Variants in RAPGEF3 observed in about 807,000 individuals in gnomAD.
RAPGEF3 encodes Rap guanine nucleotide exchange factor 3.
Under a neutral mutation model 129.8 loss-of-function variants are expected in RAPGEF3, and 103 were observed. The observed-to-expected ratio is 0.79, with a 90% CI of 0.68 to 0.93. The LOEUF (loss-of-function observed/expected upper bound fraction) is 0.93, where lower values mean the gene tolerates loss of function less well. RAPGEF3 is among the 40% of genes least tolerant of loss of function. The pLI is 0.00. For missense variants in RAPGEF3, 1,117 were observed against 1,207.4 expected (o/e 0.93, Z 1.11); for synonymous variants, 436 against 482.6 (o/e 0.90, Z 1.26).
chr12:47,756,069 C>A (rs1459504212), intron 2 of RAPGEF3: 2 of 152,248 alleles, frequency 1.3e-5, no homozygotes, highest in Non-Finnish European at 2.9e-5. Context: ...GTCACCAACG[C>A]CCACCTGGCA....
chr12:47,739,486 T>C (rs1941008463), intron 23 of RAPGEF3: 2 of 677,336 alleles, frequency 3.0e-6, no homozygotes, highest in African/African-American at 3.5e-5. Context: ...CACTGTCACC[T>C]CTCTGTCCCT....
intron 15 of RAPGEF3, among the ~76,000 whole-genome samples, chr12:47,747,316 G>T (rs1320805814): frequency 6.6e-6 from 1 of 152,174 alleles, no homozygotes; most frequent in Non-Finnish European, 1.5e-5. Flanking sequence ...GAGAACAGCA[G>T]GTGCACTCAG....
chr12:47,746,213 G>A (rs765430116), intron 16 of RAPGEF3: 9 of 188,310 alleles, frequency 4.8e-5, no homozygotes, highest in Middle Eastern at 2.2e-3. Context: ...CTTCGCCTGC[G>A]GAGGAGAAGA....
chr12:47,757,978 G>A lies in RAPGEF3; in HGVS notation c.107C>T (p.Pro36Leu), dbSNP rs777678433. ...CACCATGTTGAGTAGTGTCCCCTCC[G>A]GCACCACGTCAGGGAGGGCTCCCAC... is the stretch of plus-strand genomic sequence containing the variant. The part of the protein sequence containing the change: ...PRVGALPDVV[P>L]EGTLLNMVLR... The change falls in exon 2 of 28, where the codon CCG (proline) becomes CTG (leucine). Residue 36 changes from proline (P) to leucine (L), a missense_variant. Physicochemically the swap from Pro to Leu is moderately conservative, Grantham distance 98. Coordinates refer to ENST00000449771, the MANE Select transcript of RAPGEF3 (RefSeq NM_001098531.4). 21 of 1,566,728 alleles carry A rather than the reference G, an allele frequency of 1.3e-5. No individual in the cohort carries two copies. Among genetic ancestry groups the A allele is most frequent in the East Asian group, 4.7e-5 (2 of 42,380 alleles).
intron 25 of RAPGEF3, 129 bp from the exon 26 acceptor site, chr12:47,738,376 A>T (rs10875685): frequency 0.29 from 365,218 of 1,274,850 alleles, 54,479 homozygotes; most frequent in Middle Eastern, 0.32. Flanking sequence ...GTTATGTGGC[A>T]TCATGTGTAC....
At position 47,747,867 on chromosome 12, in the gene RAPGEF3, G is replaced by A. The variant is rs1221454713; in HGVS notation, c.1323-5C>T. The A allele has an allele frequency of 1.9e-6, 3 of 1,602,026 alleles. No homozygotes were observed. The highest frequency in any genetic ancestry group is 1.3e-5 in the African/African-American group (1 of 75,028). On this transcript the variant is annotated splice_polypyrimidine_tract_variant and splice_region_variant and intron_variant, in intron 13 of 27. Transcript: ENST00000449771. ...CCCGCAGGCTCCACATGGAAGGTGGGCACCAGTCAAGGGAACCACAACATC... is the reference window on the plus strand; with the variant it reads ...CCCGCAGGCTCCACATGGAAGGTGGACACCAGTCAAGGGAACCACAACATC...
At position 47,735,420 on chromosome 12, in the gene RAPGEF3, TC is replaced by T; in HGVS notation, c.*2146del. 1 of 152,388 alleles carries T rather than the reference TC, an allele frequency of 6.6e-6. No homozygotes were observed. Among genetic ancestry groups the T allele is most frequent in the Non-Finnish European group, 1.5e-5 (1 of 68,112 alleles). 9.4% of individuals were successfully genotyped at this position (152,388 alleles called of 1,614,324 possible). On this transcript the variant is annotated 3_prime_UTR_variant, in exon 28 of 28. Transcript: ENST00000449771. Reference sequence around the variant, plus strand: ...TGGGGCCACCGTAACATGGAGCCTTTCCCCGCTTTTGGGCCTCCTGTCCTCT... The same window carrying T: ...TGGGGCCACCGTAACATGGAGCCTTTCCCGCTTTTGGGCCTCCTGTCCTCT...
rs755629694 is a variant in RAPGEF3 at position 47,757,931 on chromosome 12, G to A, written c.154C>T (p.Arg52Ter). 32 of 1,556,814 alleles carry A rather than the reference G, an allele frequency of 2.1e-5. No individual in the cohort carries two copies. In the Admixed American group the frequency reaches 2.7e-4, roughly 13 times the overall value. Reference protein sequence around the residue: ...NMVLRRMHRPRSCSYQLLLEH... With the variant: ...NMVLRRMHRP Reference sequence around the variant, plus strand: ...AGCAGCAGCTGGTAGGAGCAGCTTCGGGGCCGGTGCATCCTTCTCAACACC... The same window carrying A: ...AGCAGCAGCTGGTAGGAGCAGCTTCAGGGCCGGTGCATCCTTCTCAACACC... The change falls in exon 2 of 28, where the codon CGA (arginine) becomes TGA (stop). Residue 52 changes from arginine (R) to a stop codon, truncating the protein, a stop_gained. Coordinates refer to ENST00000449771, the MANE Select transcript of RAPGEF3 (RefSeq NM_001098531.4). LOFTEE classifies it high-confidence loss of function.
chr12:47,746,410 TCTC>T, intron 16 of RAPGEF3: 1 of 514,022 alleles, frequency 1.9e-6, no homozygotes, highest in Non-Finnish European at 3.4e-6. Context: ...AGTCACATCT[TCTC>T]ATCCCCTCTT....
chr12:47,738,311 C>T, intron 25 of RAPGEF3, 64 bp from the exon 26 acceptor site: 3 of 1,592,644 alleles, frequency 1.9e-6, no homozygotes, highest in Non-Finnish European at 2.6e-6. Context: ...CCCTGTGCAG[C>T]AGCAGGGAGG....
At chr12:47,738,808 C>T in intron 24 of RAPGEF3, 54 bp from the exon 25 acceptor site, 1 of 1,495,424 alleles carries the variant, frequency 6.7e-7, no homozygotes, top group Non-Finnish European at 9.3e-7. Flanking sequence ...CCTCCTGTAG[C>T]CCAGAAAAGG....
At position 47,741,427 on chromosome 12, in the gene RAPGEF3, G is replaced by A. The variant is rs1592541079; in HGVS notation, c.1923+78C>T. ...GGCCCCTCCTCCCTCTTCTCCCTGG[G>A]ACCCTCCCCAGAATCCACCACTGCC... On this transcript the variant is annotated intron_variant, in intron 19 of 27. Transcript: ENST00000449771. 3 of 1,387,662 alleles carry A rather than the reference G, an allele frequency of 2.2e-6. No homozygotes were observed. In the East Asian group the frequency reaches 6.9e-5, roughly 32 times the overall value. The allele number at this position is 1,387,662 out of a possible 1,614,324, so 86.0% of individuals were successfully genotyped here.
At position 47,740,577 on chromosome 12, in the gene RAPGEF3, G is replaced by C. The variant is rs10875688; in HGVS notation, c.2231+65C>G. Reference sequence around the variant, plus strand: ...ATTTGGCAACATACTAAGCAAAGAGGGGGGCTTAGGAAAAGGTAGCCGGGG... The same window carrying C: ...ATTTGGCAACATACTAAGCAAAGAGCGGGGCTTAGGAAAAGGTAGCCGGGG... On this transcript the variant is annotated intron_variant, in intron 21 of 27. Transcript: ENST00000449771. 57 of 1,570,396 alleles carry C rather than the reference G, an allele frequency of 3.6e-5. No homozygotes were observed. In the South Asian group the frequency reaches 5.4e-4, roughly 15 times the overall value.
intron 15 of RAPGEF3, 73 bp downstream of exon 15, chr12:47,747,471 C>T: frequency 1.3e-6 from 2 of 1,491,132 alleles, no homozygotes; most frequent in South Asian, 1.1e-5. Flanking sequence ...TGCTTGACTC[C>T]AGAGCGTATG....
At chr12:47,756,922 T>C (rs1396974003) in intron 2 of RAPGEF3, among the ~76,000 whole-genome samples, 1 of 151,242 alleles carries the variant, frequency 6.6e-6, no homozygotes, top group East Asian at 1.9e-4. Flanking sequence ...TGAGCCAAGA[T>C]TGCTTCACTG....
chr12:47,746,778 A>G, intron 16 of RAPGEF3, 82 bp downstream of exon 16: 1 of 1,404,438 alleles, frequency 7.1e-7, no homozygotes, highest in East Asian at 2.4e-5. Context: ...CCACGCCCAC[A>G]GAGCCCCTCA....
chr12:47,749,507 A>G lies in RAPGEF3; in HGVS notation c.924T>C (p.Asp308=), dbSNP rs1214303774. ...TCACCAGAGCCAGCTGTCCAAAATC[A>G]TCTCCCTCATGCAGGGTGGTCACCA... The part of the protein sequence containing the change: ...KGLVTTLHEG[D]DFGQLALVND... Residue 308 remains aspartate, a synonymous_variant, in exon 10 of 28, where the codon GAT becomes GAC. Coordinates refer to ENST00000449771, the MANE Select transcript of RAPGEF3 (RefSeq NM_001098531.4). This position sits in a 1 kb window ranked among gnomAD's most constrained non-coding sequence, Gnocchi z 4.5. The G allele has an allele frequency of 4.3e-6, 7 of 1,611,184 alleles. No homozygotes were observed. Among genetic ancestry groups the G allele is most frequent in the African/African-American group, 2.7e-5 (2 of 74,682 alleles).
chr12:47,754,026 A>C (rs74088047), intron 2 of RAPGEF3: 154 of 152,372 alleles, frequency 1.0e-3, no homozygotes, highest in African/African-American at 3.6e-3. Context: ...CTATTTAGAA[A>C]GGTAAGATTC....
intron 11 of RAPGEF3, 118 bp downstream of exon 11, chr12:47,748,701 T>TC: frequency 9.8e-7 from 1 of 1,020,798 alleles, no homozygotes; most frequent in Non-Finnish European, 1.5e-6. Context: ...TCCTGGTCCC[T>TC]CAATACCTCT....
Sources: allele counts gnomAD v4.1 joint callset (sites outside exome capture counted in the v4.1 genomes callset), GRCh38; gene constraint gnomAD v4.1.1; non-coding constraint Gnocchi (gnomAD v3.1); transcripts MANE v1.5; gene names NCBI Gene and HGNC (gene_info 2026-07-23, HGNC 2026-07-21).